The following DHRSX variants were observed in gnomAD, a reference collection of about 807,000 sequenced individuals.
The protein encoded by DHRSX is polyprenol dehydrogenase.
Under a neutral mutation model 34.0 loss-of-function variants are expected in DHRSX, and 31 were observed. The observed-to-expected ratio is 0.91, with a 90% confidence interval of 0.69 to 1.23. The LOEUF (loss-of-function observed/expected upper bound fraction) is 1.23. Among genes scored for constraint, DHRSX ranks in the 50% most tolerant of loss-of-function variants. The probability of loss-of-function intolerance (pLI) is 0.00; values close to 1 mark genes in which losing one functional copy is unlikely to be tolerated. For synonymous variants in DHRSX, 201 were observed against 183.8 expected (o/e 1.09, Z -0.76); for missense variants, 414 against 428.1 (o/e 0.97, Z 0.29).
chrX:2,299,408 T>C (rs753102011), intron 3 of DHRSX, among the ~76,000 whole-genome samples: 96 of 152,258 alleles, frequency 6.3e-4, no homozygotes, highest in African/African-American at 2.2e-3. Flanking sequence ...TGGTGAATGA[T>C]GTCCACGCTT....
At chrX:2,294,659 TGTCTC>T in intron 3 of DHRSX, among the ~76,000 whole-genome samples, 1 of 99,202 alleles carries the variant, frequency 1.0e-5, no homozygotes, top group Non-Finnish European at 2.4e-5. Context: ...AGCAAGACTC[TGTCTC>T]AAAAAAAAAA....
At chrX:2,361,309 G>A (rs1035357944) in intron 3 of DHRSX, among the ~76,000 whole-genome samples, 1 of 152,066 alleles carries the variant, frequency 6.6e-6, no homozygotes, top group Non-Finnish European at 1.5e-5. Context: ...ATTTCACCAT[G>A]TTGGTCAGGC....
At chrX:2,410,331 G>C (rs2043609728) in intron 2 of DHRSX, among the ~76,000 whole-genome samples, 1 of 152,098 alleles carries the variant, frequency 6.6e-6, no homozygotes, top group Non-Finnish European at 1.5e-5. Context: ...AACTAGCAGG[G>C]GAAGCGCACA....
chrX:2,439,354 G>T (rs762119427), intron 1 of DHRSX, among the ~76,000 whole-genome samples: 1 of 151,874 alleles, frequency 6.6e-6, no homozygotes, highest in Admixed American at 6.6e-5. Context: ...ATATATATAC[G>T]CATTCATCTT....
intron 1 of DHRSX, among the ~76,000 whole-genome samples, chrX:2,443,878 A>C (rs930196045): frequency 2.6e-5 from 4 of 152,012 alleles, no homozygotes; most frequent in African/African-American, 7.2e-5. Flanking sequence ...TGGTGGCGGA[A>C]GCCTGTAGTC....
intron 3 of DHRSX, among the ~76,000 whole-genome samples, chrX:2,320,379 C>T (rs2042294731): frequency 6.8e-6 from 1 of 146,892 alleles, no homozygotes; most frequent in Non-Finnish European, 1.5e-5. Context: ...ACTGCAACCT[C>T]CACCTCCCAG....
At chrX:2,464,973 T>A (rs1434325680) in intron 1 of DHRSX, among the ~76,000 whole-genome samples, 1 of 151,190 alleles carries the variant, frequency 6.6e-6, no homozygotes, top group African/African-American at 2.4e-5. Context: ...TCCCTAAGAA[T>A]GGGGCTAAGG....
intron 3 of DHRSX, among the ~76,000 whole-genome samples, chrX:2,397,422 C>T (rs1209092010): frequency 6.6e-6 from 1 of 152,222 alleles, no homozygotes; most frequent in Non-Finnish European, 1.5e-5. Flanking sequence ...GCGTGAGCCA[C>T]CGGGCCCGAC....
chrX:2,240,501 A>T (rs1478436632), intron 6 of DHRSX, among the ~76,000 whole-genome samples: 3 of 151,804 alleles, frequency 2.0e-5, no homozygotes, highest in Admixed American at 6.6e-5. Flanking sequence ...GGGAGAAAAG[A>T]GAATTTGTAA....
intron 3 of DHRSX, among the ~76,000 whole-genome samples, chrX:2,347,326 C>G (rs1278576564): frequency 6.6e-6 from 1 of 152,168 alleles, no homozygotes; most frequent in Non-Finnish European, 1.5e-5. Context: ...ATCATGAGAA[C>G]AGCAGGGCAA....
intron 2 of DHRSX, among the ~76,000 whole-genome samples, chrX:2,420,362 C>T (rs1055454306): frequency 1.3e-5 from 2 of 151,012 alleles, no homozygotes; most frequent in African/African-American, 2.4e-5. Flanking sequence ...GAGCTGAGAT[C>T]GCGCCACTGC....
intron 3 of DHRSX, among the ~76,000 whole-genome samples, chrX:2,315,507 T>A (rs1026713381): frequency 6.6e-6 from 1 of 152,158 alleles, no homozygotes; most frequent in African/African-American, 2.4e-5. Flanking sequence ...TGGGTATACA[T>A]AGCAGCATTA....
chrX:2,488,677 G>A, intron 1 of DHRSX: 1 of 1,612,338 alleles, frequency 6.2e-7, no homozygotes, highest in Non-Finnish European at 8.5e-7. Context: ...AACCGCCGCT[G>A]ACGCCATCCC....
chrX:2,304,202 T>TGGATGGATGGATG (rs1439199043), intron 3 of DHRSX, among the ~76,000 whole-genome samples: 1 of 57,338 alleles, frequency 1.7e-5, no homozygotes, highest in African/African-American at 9.0e-5. Context: ...GATGGATGGA[T>TGGATGGATGGATG]AAATGGATGG....
chrX:2,470,299 T>C (rs1349887935), intron 1 of DHRSX, among the ~76,000 whole-genome samples: 1 of 151,410 alleles, frequency 6.6e-6, no homozygotes, highest in Non-Finnish European at 1.5e-5. Flanking sequence ...CTGTGGCTCA[T>C]GTCTGGAATC....
chrX:2,497,837 C>T (rs1405494546), intron 1 of DHRSX, among the ~76,000 whole-genome samples: 1 of 152,126 alleles, frequency 6.6e-6, no homozygotes, highest in East Asian at 1.9e-4. Context: ...TCAATATGAT[C>T]ATTTTCAACA....
In DHRSX at chrX:2,319,501, C is replaced by A. The variant is rs1052528403; in HGVS notation, c.287-27898G>T. On this transcript the variant is annotated intron_variant, in intron 3 of 6. Coordinates refer to ENST00000334651, the MANE Select transcript of DHRSX (RefSeq NM_145177.3). ...GAGGTTGCAGTGAGCCGAGATCGTG[C>A]CACTGCACTCCAGCCTCGGTGACAG... Among the ~76,000 whole-genome samples the A allele has an allele frequency of 4.8e-4, 72 of 148,662 alleles. 1 individual carries two copies. The highest frequency in any genetic ancestry group is 8.2e-4 in the Non-Finnish European group (55 of 67,442).
intron 4 of DHRSX, among the ~76,000 whole-genome samples, chrX:2,274,265 T>C (rs1466297396): frequency 1.3e-5 from 2 of 152,066 alleles, no homozygotes; most frequent in Non-Finnish European, 2.9e-5. Context: ...CTTGAACTCC[T>C]AATCTCAACT....
chrX:2,236,905 G>A, intron 6 of DHRSX, among the ~76,000 whole-genome samples: 1 of 151,964 alleles, frequency 6.6e-6, no homozygotes, highest in East Asian at 1.9e-4. Flanking sequence ...AAGAAATGGG[G>A]GGGCTGGGTA....
Sources: allele counts gnomAD v4.1 joint callset (sites outside exome capture counted in the v4.1 genomes callset), GRCh38; gene constraint gnomAD v4.1.1; transcripts MANE v1.5; gene names NCBI Gene and HGNC (gene_info 2026-07-23, HGNC 2026-07-21).